CADM2: variants seen among roughly 807,000 people sequenced by gnomAD.
The protein encoded by CADM2 is immunoglobulin superfamily member 4D.
Under a neutral mutation model 49.8 loss-of-function variants are expected in CADM2, and 12 were observed. The observed-to-expected ratio is 0.24, with a 90% CI of 0.15 to 0.39. The LOEUF (loss-of-function observed/expected upper bound fraction) is 0.39. CADM2 is among the 10% of genes least tolerant of loss of function. CADM2 has a pLI of 1.00. For synonymous variants in CADM2, 214 were observed against 175.4 expected, an observed-to-expected ratio of 1.22 and a Z score of -1.74; for missense variants, 378 against 492.3, an observed-to-expected ratio of 0.77 and a Z score of 2.20.
chr3:85,572,891 A>G (rs2062520376), intron 1 of CADM2, among the ~76,000 whole-genome samples: 1 of 152,182 alleles, frequency 6.6e-6, no homozygotes, highest in South Asian at 2.1e-4. Flanking sequence ...TCCTCTGGAA[A>G]CATACTCACA....
At chr3:85,439,906 G>A (rs1421309266) in intron 1 of CADM2, among the ~76,000 whole-genome samples, 1 of 152,020 alleles carries the variant, frequency 6.6e-6, no homozygotes, top group African/African-American at 2.4e-5. Context: ...GTAAAAGCCA[G>A]GTGAGTTTAT....
At chr3:85,289,770 T>C (rs1466030375) in intron 1 of CADM2, among the ~76,000 whole-genome samples, 1 of 152,236 alleles carries the variant, frequency 6.6e-6, no homozygotes, top group Non-Finnish European at 1.5e-5. Context: ...AAACACTATT[T>C]GTTAAACAAC....
intron 7 of CADM2, among the ~76,000 whole-genome samples, chr3:85,940,189 A>AT (rs891002607): frequency 4.1e-5 from 6 of 145,780 alleles, no homozygotes; most frequent in African/African-American, 1.6e-4. Flanking sequence ...AAAAAAAAAA[A>AT]ATAGCCGGGC....
At chr3:85,802,304 G>T (rs2072098160) in intron 3 of CADM2, 108 bp downstream of exon 3, 1 of 924,792 alleles carries the variant, frequency 1.1e-6, no homozygotes, top group South Asian at 2.4e-5. Context: ...TTACCAAACT[G>T]CTGCTGCTTG....
intron 2 of CADM2, among the ~76,000 whole-genome samples, chr3:85,783,255 G>T (rs2070765774): frequency 6.6e-6 from 1 of 152,144 alleles, no homozygotes; most frequent in Non-Finnish European, 1.5e-5. Context: ...GAGTTTATAA[G>T]ATTTGGTTAA....
chr3:86,010,605 T>A (rs1260002282), intron 8 of CADM2, among the ~76,000 whole-genome samples: 2 of 151,100 alleles, frequency 1.3e-5, no homozygotes, highest in African/African-American at 2.4e-5. Flanking sequence ...AAAGAAAATT[T>A]ATGTGTCAAA....
intron 8 of CADM2, among the ~76,000 whole-genome samples, chr3:86,032,763 T>G (rs537219202): frequency 6.6e-6 from 1 of 152,066 alleles, no homozygotes; most frequent in East Asian, 1.9e-4. Flanking sequence ...GAATTCTAAC[T>G]GAGGAATTAA....
At chr3:86,020,710 C>T (rs1733041319) in intron 8 of CADM2, among the ~76,000 whole-genome samples, 1 of 151,996 alleles carries the variant, frequency 6.6e-6, no homozygotes, top group South Asian at 2.1e-4. Flanking sequence ...TGTAATCCAG[C>T]ATATAAACAG....
chr3:85,516,380 A>C (rs187373662), intron 1 of CADM2, among the ~76,000 whole-genome samples: 7 of 152,306 alleles, frequency 4.6e-5, no homozygotes. Flanking sequence ...ATTGACTTTC[A>C]CAAATTATTT....
intron 1 of CADM2, among the ~76,000 whole-genome samples, chr3:85,007,158 C>G (rs893308242): frequency 1.3e-5 from 2 of 152,002 alleles, no homozygotes; most frequent in African/African-American, 4.8e-5. Context: ...GATTAAAATA[C>G]TTTTAGTTGT....
intron 1 of CADM2, among the ~76,000 whole-genome samples, chr3:85,325,688 C>CAAAA (rs35096319): frequency 4.3e-5 from 4 of 92,692 alleles, no homozygotes; most frequent in Non-Finnish European, 4.9e-5. Flanking sequence ...AAGACTCCAT[C>CAAAA]AAAAAAAAAA....
chr3:85,403,877 T>C (rs1399318028), intron 1 of CADM2, among the ~76,000 whole-genome samples: 1 of 152,046 alleles, frequency 6.6e-6, no homozygotes, highest in East Asian at 1.9e-4. Context: ...ATGCATTGAA[T>C]TAAAGAAAAT....
chr3:85,038,651 CTAGCATGTTGCCTA>C (rs1181798058), intron 1 of CADM2, among the ~76,000 whole-genome samples: 1 of 152,152 alleles, frequency 6.6e-6, no homozygotes, highest in Non-Finnish European at 1.5e-5. Flanking sequence ...TTGACATTTA[CTAGCATGTTGCCTA>C]GATTTAGTTA....
At chr3:85,335,968 T>G (rs1395268375) in intron 1 of CADM2, among the ~76,000 whole-genome samples, 1 of 151,518 alleles carries the variant, frequency 6.6e-6, no homozygotes, top group Admixed American at 6.6e-5. Flanking sequence ...TCATTACTTT[T>G]TGAGTAAGGT....
intron 1 of CADM2, among the ~76,000 whole-genome samples, chr3:84,971,039 A>T (rs980080717): frequency 6.6e-6 from 1 of 152,116 alleles, no homozygotes; most frequent in Non-Finnish European, 1.5e-5. Flanking sequence ...GTGTAGCCAC[A>T]TAATATCTGA....
intron 3 of CADM2, among the ~76,000 whole-genome samples, chr3:85,841,374 G>A (rs1231410994): frequency 6.6e-6 from 1 of 151,732 alleles, no homozygotes; most frequent in Admixed American, 6.6e-5. Flanking sequence ...GCTTAAAAAA[G>A]ATGAACCCTA....
At chr3:85,341,769 T>C (rs1400496186) in intron 1 of CADM2, among the ~76,000 whole-genome samples, 2 of 152,058 alleles carry the variant, frequency 1.3e-5, no homozygotes, top group Non-Finnish European at 2.9e-5. Context: ...GAAGTTAATA[T>C]AAAGATTTAA....
At chr3:85,886,433 G>C in intron 5 of CADM2, 106 bp downstream of exon 5, 1 of 770,122 alleles carries the variant, frequency 1.3e-6, no homozygotes, top group South Asian at 1.9e-5. Context: ...GTCTCTTACA[G>C]ATTATGCATC....
chr3:85,263,238 C>A (rs1468096305), intron 1 of CADM2, among the ~76,000 whole-genome samples: 1 of 151,950 alleles, frequency 6.6e-6, no homozygotes, highest in African/African-American at 2.4e-5. Flanking sequence ...AGTAATCTGC[C>A]CACCTTGGCC....
Sources: gnomAD v4.1 joint callset for allele counts (sites outside exome capture counted in the v4.1 genomes callset) on GRCh38, gnomAD v4.1.1 for gene constraint, MANE v1.5 for transcripts, NCBI Gene and HGNC (gene_info 2026-07-23, HGNC 2026-07-21) for gene names.